Variants in KRABD3 observed in about 807,000 individuals in gnomAD.
KRABD3 encodes the protein KRAB domain containing 3.
chr7:149,721,075 G>A, the KRABD3 span: 1 of 1,508,104 alleles, frequency 6.6e-7, no homozygotes, highest in Non-Finnish European at 9.0e-7. Flanking sequence ...CACTGCATGT[G>A]GGCTTGCAGG....
At chr7:149,730,143 C>G in the KRABD3 span, 75 of 1,504,734 alleles carry the variant, frequency 5.0e-5, 1 homozygote, top group East Asian at 1.0e-3. Flanking sequence ...GGTCCCCTGC[C>G]CAGGGTCTGC....
the KRABD3 span, chr7:149,733,270 G>A: frequency 8.7e-6 from 14 of 1,612,330 alleles, no homozygotes; most frequent in South Asian, 8.8e-5. Context: ...CTCCCCCTCC[G>A]GAGCTGCCCC....
chr7:149,730,444 C>T, the KRABD3 span: 7 of 1,597,664 alleles, frequency 4.4e-6, no homozygotes, highest in Non-Finnish European at 6.0e-6. Flanking sequence ...ACCGCCTTCC[C>T]AGCTGTAAGC....
chr7:149,734,418 C>T, the KRABD3 span: 1 of 212,716 alleles, frequency 4.7e-6, no homozygotes, highest in African/African-American at 2.3e-5. Flanking sequence ...GCCTCCTAAC[C>T]ACCAGCCGTT....
the KRABD3 span, among the ~76,000 whole-genome samples, chr7:149,716,328 G>T: frequency 6.6e-6 from 1 of 152,246 alleles, no homozygotes; most frequent in Admixed American, 6.5e-5. Flanking sequence ...AGGCTGCCCA[G>T]TTACAAGAGT....
the KRABD3 span, chr7:149,733,483 AGGCCCT>A: frequency 1.9e-6 from 3 of 1,581,318 alleles, no homozygotes; most frequent in Non-Finnish European, 2.6e-6. Context: ...GGCGCCCCCA[AGGCCCT>A]GGGCCAATGG....
At chr7:149,718,725 G>T in the KRABD3 span, among the ~76,000 whole-genome samples, 1 of 152,086 alleles carries the variant, frequency 6.6e-6, no homozygotes, top group Non-Finnish European at 1.5e-5. Context: ...ATATTGGCCA[G>T]CCTGGTCTCG....
the KRABD3 span, chr7:149,720,912 G>T: frequency 6.2e-7 from 1 of 1,613,336 alleles, no homozygotes; most frequent in Non-Finnish European, 8.5e-7. Flanking sequence ...CTTGTTTGGA[G>T]AAGTCAAGGG....
chr7:149,715,003 C>T, the KRABD3 span: 2 of 1,221,146 alleles, frequency 1.6e-6, no homozygotes, highest in Non-Finnish European at 2.0e-6. Flanking sequence ...CGTGCGCCCG[C>T]GCCAGGGCCC....
At chr7:149,730,726 C>G in the KRABD3 span, 1 of 980,366 alleles carries the variant, frequency 1.0e-6, no homozygotes, top group East Asian at 2.6e-5. Flanking sequence ...GAGCTGTGTC[C>G]GAGAAGGAGG....
the KRABD3 span, chr7:149,725,344 G>T: frequency 1.3e-6 from 2 of 1,599,810 alleles, no homozygotes; most frequent in Non-Finnish European, 8.5e-7. Flanking sequence ...ACCGCTGGAA[G>T]CCCTGGAAGC....
chr7:149,734,329 T>G, the KRABD3 span: 3 of 457,858 alleles, frequency 6.6e-6, no homozygotes, highest in Admixed American at 3.8e-5. Flanking sequence ...CCCAAGCTTG[T>G]AGGTGGGTGG....
the KRABD3 span, among the ~76,000 whole-genome samples, chr7:149,727,230 A>G: frequency 6.6e-6 from 1 of 152,110 alleles, no homozygotes; most frequent in Non-Finnish European, 1.5e-5. Context: ...CCTGACTGCC[A>G]ATGTATTTAC....
At chr7:149,726,282 A>T in the KRABD3 span, among the ~76,000 whole-genome samples, 1 of 152,180 alleles carries the variant, frequency 6.6e-6, no homozygotes, top group Non-Finnish European at 1.5e-5. Context: ...AAGGGACAGG[A>T]CAATGTCTAA....
At chr7:149,724,756 G>A in the KRABD3 span, 15 of 1,568,514 alleles carry the variant, frequency 9.6e-6, no homozygotes, top group South Asian at 1.8e-4. Context: ...CCCAGGACCT[G>A]CATCCTGTCA....
chr7:149,733,680 G>A, the KRABD3 span: 30 of 1,585,078 alleles, frequency 1.9e-5, no homozygotes, highest in Admixed American at 3.0e-4. Flanking sequence ...GGGACCGCTC[G>A]CCGGGCACGT....
At chr7:149,731,305 T>A in the KRABD3 span, among the ~76,000 whole-genome samples, 1 of 152,210 alleles carries the variant, frequency 6.6e-6, no homozygotes, top group Non-Finnish European at 1.5e-5. Flanking sequence ...ACCACATTCT[T>A]CACTCCGCAG....
the KRABD3 span, among the ~76,000 whole-genome samples, chr7:149,720,285 C>G: frequency 2.6e-5 from 4 of 152,194 alleles, no homozygotes; most frequent in Admixed American, 1.3e-4. Flanking sequence ...GGGCTGGAAG[C>G]CTGTTATGCA....
the KRABD3 span, among the ~76,000 whole-genome samples, chr7:149,731,310 C>T: frequency 6.6e-6 from 1 of 152,222 alleles, no homozygotes; most frequent in African/African-American, 2.4e-5. Context: ...ATTCTTCACT[C>T]CGCAGTGGGC....
Sources: allele counts gnomAD v4.1 joint callset (sites outside exome capture counted in the v4.1 genomes callset), GRCh38; gene constraint gnomAD v4.1.1; transcripts MANE v1.5; gene names NCBI Gene and HGNC (gene_info 2026-07-23, HGNC 2026-07-21).